Variants in DOCK1 observed in about 807,000 individuals in gnomAD.
DOCK1 encodes the protein dedicator of cytokinesis protein 1.
A neutral mutation model predicts 262.7 loss-of-function variants in DOCK1; 138 were observed. That is an observed-to-expected ratio of 0.53 (90% CI 0.46 to 0.61). DOCK1 has a LOEUF of 0.61. Among genes scored for constraint, DOCK1 ranks in the 20% least tolerant of loss-of-function variants. The pLI is 0.00. For synonymous variants in DOCK1, 866 were observed against 867.4 expected, an observed-to-expected ratio of 1.00 and a Z score of 0.03; for missense variants, 1,908 against 2,370.7, an observed-to-expected ratio of 0.80 and a Z score of 4.05.
chr10:127,101,651 G>T (rs117991457), intron 23 of DOCK1, among the ~76,000 whole-genome samples: 1 of 152,172 alleles, frequency 6.6e-6, no homozygotes, highest in Non-Finnish European at 1.5e-5. Flanking sequence ...CCCTCGCCCC[G>T]CTTGGCGGTC....
At chr10:127,313,595 C>T (rs2062147516) in intron 29 of DOCK1, among the ~76,000 whole-genome samples, 1 of 152,190 alleles carries the variant, frequency 6.6e-6, no homozygotes, top group African/African-American at 2.4e-5. Flanking sequence ...AGGGGGCTTA[C>T]TGCAGGTGCA....
At chr10:126,984,346 A>G (rs1256064371) in intron 4 of DOCK1, among the ~76,000 whole-genome samples, 1 of 151,902 alleles carries the variant, frequency 6.6e-6, no homozygotes, top group Non-Finnish European at 1.5e-5. Context: ...TTTATTTTGT[A>G]TTGTGTATTT....
intron 27 of DOCK1, among the ~76,000 whole-genome samples, chr10:127,153,657 A>C (rs1193993109): frequency 6.6e-6 from 1 of 152,208 alleles, no homozygotes; most frequent in East Asian, 1.9e-4. Context: ...AATGGGTTCA[A>C]GCTCTCCTAC....
At chr10:126,906,855 A>G (rs910690667) in intron 1 of DOCK1, among the ~76,000 whole-genome samples, 6 of 152,178 alleles carry the variant, frequency 3.9e-5, no homozygotes, top group African/African-American at 1.2e-4. Flanking sequence ...GGTCACGGGG[A>G]CAGTCCTGGG....
chr10:127,009,465 G>A (rs1173106260), intron 11 of DOCK1, among the ~76,000 whole-genome samples: 1 of 152,144 alleles, frequency 6.6e-6, no homozygotes, highest in Non-Finnish European at 1.5e-5. Flanking sequence ...GGAAGCAAGA[G>A]TGTACCCAGA....
chr10:127,139,768 T>A (rs2051045003), intron 27 of DOCK1, among the ~76,000 whole-genome samples: 1 of 152,116 alleles, frequency 6.6e-6, no homozygotes, highest in South Asian at 2.1e-4. Flanking sequence ...AATAGTTCCT[T>A]CCCAGGCTGT....
chr10:127,261,530 T>C (rs111217878), intron 29 of DOCK1, among the ~76,000 whole-genome samples: 1,922 of 141,332 alleles, frequency 0.014, 20 homozygotes, highest in Non-Finnish European at 0.024. Context: ...TGCATGTGTG[T>C]GCATGTGGGT....
At chr10:127,271,713 G>T (rs774957455) in intron 29 of DOCK1, among the ~76,000 whole-genome samples, 19 of 152,182 alleles carry the variant, frequency 1.2e-4, no homozygotes, top group Non-Finnish European at 2.6e-4. Flanking sequence ...TGCTCAACAG[G>T]CAGTGACTGT....
intron 21 of DOCK1, among the ~76,000 whole-genome samples, chr10:127,051,269 T>G (rs1564763918): frequency 6.6e-6 from 1 of 152,044 alleles, no homozygotes; most frequent in African/African-American, 2.4e-5. Context: ...TAAATGTTTT[T>G]GGGGAATCTT....
At chr10:127,429,636 C>A (rs2069142028) in intron 47 of DOCK1, among the ~76,000 whole-genome samples, 2 of 152,252 alleles carry the variant, frequency 1.3e-5, no homozygotes, top group Admixed American at 1.3e-4. Context: ...CCCTCTGCCA[C>A]TCTGCCTTGG....
chr10:127,135,332 A>G (rs1472650207), intron 27 of DOCK1: 1 of 152,198 alleles, frequency 6.6e-6, no homozygotes, highest in Admixed American at 6.5e-5. Flanking sequence ...TGAAATGCCT[A>G]TCGGCCCAAA....
chr10:127,140,737 A>T (rs1340870928), intron 27 of DOCK1, among the ~76,000 whole-genome samples: 1 of 152,062 alleles, frequency 6.6e-6, no homozygotes, highest in African/African-American at 2.4e-5. Flanking sequence ...GGTCTGGCCA[A>T]CTCTGGCTGA....
chr10:127,081,413 T>G (rs753858450), intron 23 of DOCK1, among the ~76,000 whole-genome samples: 13 of 151,006 alleles, frequency 8.6e-5, no homozygotes, highest in Non-Finnish European at 1.5e-4. Context: ...CCTTTAGGAG[T>G]AGACAATGAC....
chr10:126,948,532 G>A (rs1483735337), intron 1 of DOCK1, among the ~76,000 whole-genome samples: 3 of 151,884 alleles, frequency 2.0e-5, no homozygotes, highest in African/African-American at 7.3e-5. Context: ...GAGGGCATCT[G>A]GATGAACCTC....
At chr10:127,083,062 T>C (rs899223083) in intron 23 of DOCK1, among the ~76,000 whole-genome samples, 2 of 152,224 alleles carry the variant, frequency 1.3e-5, no homozygotes, top group African/African-American at 4.8e-5. Context: ...CTCTGTGCCA[T>C]TGGACTCCCA....
intron 28 of DOCK1, among the ~76,000 whole-genome samples, chr10:127,251,595 T>C (rs547355165): frequency 2.4e-3 from 333 of 138,358 alleles, no homozygotes; most frequent in Non-Finnish European, 3.3e-3. Context: ...TGTGTTCTCA[T>C]TGTTCAATTC....
chr10:127,102,262 C>T (rs938536601), intron 23 of DOCK1, among the ~76,000 whole-genome samples: 1 of 152,332 alleles, frequency 6.6e-6, no homozygotes, highest in African/African-American at 2.4e-5. Flanking sequence ...TTCACTTTCA[C>T]ATGTCTCCAC....
chr10:126,942,229 T>C (rs1260135491), intron 1 of DOCK1, among the ~76,000 whole-genome samples: 3 of 152,148 alleles, frequency 2.0e-5, no homozygotes, highest in Non-Finnish European at 4.4e-5. Context: ...TTCACCATGT[T>C]AGCCAGGATG....
chr10:127,392,292 G>C (rs1427799774), intron 38 of DOCK1, among the ~76,000 whole-genome samples: 1 of 152,092 alleles, frequency 6.6e-6, no homozygotes, highest in Non-Finnish European at 1.5e-5. Flanking sequence ...AAGCTCCCAG[G>C]TGATGTCCCA....
Sources: allele counts gnomAD v4.1 joint callset (sites outside exome capture counted in the v4.1 genomes callset), GRCh38; gene constraint gnomAD v4.1.1; transcripts MANE v1.5; gene names NCBI Gene and HGNC (gene_info 2026-07-23, HGNC 2026-07-21).